The following ATP8A2 variants were observed in gnomAD, a reference collection of about 807,000 sequenced individuals.
ATP8A2 encodes ATPase phospholipid transporting 8A2, also known as phospholipid-transporting ATPase IB.
ATP8A2 carries 100 observed loss-of-function variants against 165.6 expected under a neutral mutation model. The ratio of observed to expected loss-of-function variants is 0.60; its 90% CI spans 0.51 to 0.71. The LOEUF is 0.71. Ranked by LOEUF, ATP8A2 falls within the 30% of genes least tolerant of loss-of-function variation. The pLI is 0.00. For missense variants in ATP8A2, 1,227 were observed against 1,479.5 expected (o/e 0.83, Z 2.80); for synonymous variants, 543 against 548.8 (o/e 0.99, Z 0.15).
intron 6 of ATP8A2, among the ~76,000 whole-genome samples, chr13:25,536,858 G>A (rs1035962425): frequency 2.6e-5 from 4 of 152,158 alleles, no homozygotes; most frequent in Non-Finnish European, 4.4e-5. Context: ...CCTGTTTTAT[G>A]CCAGGTGCCG....
intron 24 of ATP8A2, among the ~76,000 whole-genome samples, chr13:25,698,224 GTTT>G (rs57633900): frequency 7.1e-6 from 1 of 141,510 alleles, no homozygotes. Context: ...AAGAACGTCT[GTTT>G]TTTTTTTTTT....
rs56061502 is a variant in ATP8A2, at chr13:25,953,958, GT to G, written c.3184-7606del. Among the ~76,000 whole-genome samples the G allele has an allele frequency of 0.23, 34,736 of 150,358 alleles. 4,167 individuals carry two copies. Among genetic ancestry groups the G allele is most frequent in the South Asian group, 0.39 (1,852 of 4,726 alleles). On this transcript the variant is annotated intron_variant, in intron 33 of 36. Transcript: ENST00000381655. This position sits in a 1 kb window ranked among gnomAD's most constrained non-coding sequence, Gnocchi z 6.7. ...GGCAGACACCGAGCTAGCTGCAGGAGTTTTTTTTTTTCATACCCCAGTGGCA... is the reference window on the plus strand; with the variant it reads ...GGCAGACACCGAGCTAGCTGCAGGAGTTTTTTTTTTCATACCCCAGTGGCA...
At chr13:25,746,153 C>T (rs774925866) in intron 25 of ATP8A2, among the ~76,000 whole-genome samples, 14 of 152,172 alleles carry the variant, frequency 9.2e-5, no homozygotes, top group Non-Finnish European at 1.8e-4. Flanking sequence ...AGTTGTTTCT[C>T]CAGCTGAAAT....
At chr13:25,731,426 A>G (rs974120327) in intron 25 of ATP8A2, among the ~76,000 whole-genome samples, 1 of 152,188 alleles carries the variant, frequency 6.6e-6, no homozygotes, top group Non-Finnish European at 1.5e-5. Flanking sequence ...AGGTGGGAAT[A>G]AAGATAAGGA....
intron 27 of ATP8A2, among the ~76,000 whole-genome samples, chr13:25,795,241 C>T (rs930818952): frequency 2.0e-5 from 3 of 152,112 alleles, no homozygotes; most frequent in South Asian, 2.1e-4. Context: ...GATTTTCACT[C>T]GGCTGTCAGA....
Position 25,953,599 on chromosome 13 carries a change from C to T in ATP8A2, c.3184-7976C>T, listed in dbSNP as rs1426115052. Among the ~76,000 whole-genome samples, 1 of 151,088 alleles carries T rather than the reference C, an allele frequency of 6.6e-6. No individual in the cohort carries two copies. The highest frequency in any genetic ancestry group is 1.5e-5 in the Non-Finnish European group (1 of 67,828). The stretch of plus-strand genomic sequence containing the variant: ...TAGGAACAGCTCCAGTCTGTAGCTC[C>T]CAGGGAGATCAAGGCAGACAGCGAG... On this transcript the variant is annotated intron_variant, in intron 33 of 36. Coordinates refer to ENST00000381655, the MANE Select transcript of ATP8A2 (RefSeq NM_016529.6). This position sits in a 1 kb window ranked among gnomAD's most constrained non-coding sequence, Gnocchi z 6.7.
chr13:25,513,977 TGGGAGAGG>T (rs1184840797), intron 2 of ATP8A2, among the ~76,000 whole-genome samples: 1,444 of 24,938 alleles, frequency 0.058, 34 homozygotes, highest in African/African-American at 0.14. Context: ...CCATGGGGAG[TGGGAGAGG>T]GGGAGGGGGA....
At chr13:25,888,455 G>A (rs774630248) in intron 33 of ATP8A2, among the ~76,000 whole-genome samples, 28 of 152,234 alleles carry the variant, frequency 1.8e-4, no homozygotes, top group Non-Finnish European at 1.0e-4. Flanking sequence ...AAAAAAGGAA[G>A]CAACCAAATA....
In ATP8A2 at chr13:25,746,247, A is replaced by G. The variant is rs556155734; in HGVS notation, c.2385-22799A>G. On this transcript the variant is annotated intron_variant, in intron 25 of 36. Coordinates refer to ENST00000381655, the MANE Select transcript of ATP8A2 (RefSeq NM_016529.6). Reference sequence around the variant, plus strand: ...CCCCCAAAAAACTCCCAAACGCCCAAAACTGTCGTGAAAAGAAGGAAGTCT... The same window carrying G: ...CCCCCAAAAAACTCCCAAACGCCCAGAACTGTCGTGAAAAGAAGGAAGTCT... Among the ~76,000 whole-genome samples, 28 of 152,276 alleles carry G rather than the reference A, an allele frequency of 1.8e-4. No homozygotes were observed. The South Asian group carries it at 3.7e-3, about 20-fold the overall frequency.
chr13:25,808,320 C>T (rs1384325127), intron 27 of ATP8A2, among the ~76,000 whole-genome samples: 2 of 151,842 alleles, frequency 1.3e-5, no homozygotes, highest in African/African-American at 4.8e-5. Context: ...TTGTAGAGGC[C>T]AGGCATGGTG....
At position 25,509,369 on chromosome 13, in the gene ATP8A2, A is replaced by C. The variant is rs147707069; in HGVS notation, c.222-20630A>C. Among the ~76,000 whole-genome samples, 247 of 152,322 alleles carry C rather than the reference A, an allele frequency of 1.6e-3. 2 individuals are homozygous for C. Among genetic ancestry groups the C allele is most frequent in the African/African-American group, 5.6e-3 (232 of 41,554 alleles). ...AAAGATCAATTAAAAATAATTGATC[A>C]ATTATTGCTAGAGGAAAAATGAATT... On this transcript the variant is annotated intron_variant, in intron 2 of 36. Transcript: ENST00000381655.
chr13:25,899,882 GA>G (rs1953682302), intron 33 of ATP8A2, among the ~76,000 whole-genome samples: 2 of 152,158 alleles, frequency 1.3e-5, no homozygotes, highest in South Asian at 4.1e-4. Context: ...TCTCTATGGG[GA>G]AAAAATAGGT....
chr13:25,872,398 C>T (rs1041352284), intron 33 of ATP8A2, among the ~76,000 whole-genome samples: 3 of 152,138 alleles, frequency 2.0e-5, no homozygotes, highest in African/African-American at 7.2e-5. Flanking sequence ...GCATTGAGCA[C>T]ACCCCTGGAT....
At chr13:25,571,948 C>T (rs1006187942) in intron 18 of ATP8A2, among the ~76,000 whole-genome samples, 6 of 152,208 alleles carry the variant, frequency 3.9e-5, no homozygotes, top group Non-Finnish European at 8.8e-5. Context: ...CAAAGAACTT[C>T]ACGAATCTAC....
intron 24 of ATP8A2, among the ~76,000 whole-genome samples, chr13:25,648,864 T>G (rs1229198010): frequency 2.0e-5 from 3 of 152,216 alleles, no homozygotes; most frequent in African/African-American, 7.2e-5. Flanking sequence ...TTCTGAATAT[T>G]CTTGATCTGC....
chr13:25,738,059 A>T (rs1390925532), intron 25 of ATP8A2, among the ~76,000 whole-genome samples: 1 of 151,670 alleles, frequency 6.6e-6, no homozygotes, highest in Non-Finnish European at 1.5e-5. Context: ...TCTGAAGACC[A>T]CGTCGTACAT....
At chr13:25,957,639 A>G (rs1044320944) in intron 33 of ATP8A2, among the ~76,000 whole-genome samples, 2 of 152,194 alleles carry the variant, frequency 1.3e-5, no homozygotes, top group Non-Finnish European at 2.9e-5. Flanking sequence ...GGATGTGGAG[A>G]AATAGGAACG....
chr13:25,892,315 G>C (rs560584754), intron 33 of ATP8A2, among the ~76,000 whole-genome samples: 10 of 152,196 alleles, frequency 6.6e-5, no homozygotes, highest in African/African-American at 2.4e-4. Context: ...GTCAGCTTGG[G>C]TTCTTACTGT....
intron 24 of ATP8A2, among the ~76,000 whole-genome samples, chr13:25,657,630 G>T (rs1200911392): frequency 1.7e-4 from 26 of 152,152 alleles, no homozygotes. Context: ...ACACTAGTTT[G>T]CAATTTTTGT....
Sources: gnomAD v4.1 joint callset for allele counts (sites outside exome capture counted in the v4.1 genomes callset) on GRCh38, gnomAD v4.1.1 for gene constraint, Gnocchi (gnomAD v3.1) non-coding constraint, MANE v1.5 for transcripts, NCBI Gene and HGNC (gene_info 2026-07-23, HGNC 2026-07-21) for gene names.